Variants in TBCEL observed in about 807,000 individuals in gnomAD.
The protein encoded by TBCEL is tubulin-specific chaperone cofactor E-like protein.
In TBCEL, 15 loss-of-function variants were observed where a neutral mutation model predicts 44.2. The ratio of observed to expected loss-of-function variants is 0.34; its 90% CI spans 0.23 to 0.52. TBCEL has a LOEUF of 0.52. TBCEL is among the 20% of genes least tolerant of loss of function. TBCEL has a pLI of 0.95. For missense variants in TBCEL, 319 were observed against 506.3 expected (o/e 0.63, Z 3.55); for synonymous variants, 171 against 185.4 (o/e 0.92, Z 0.63).
chr11:121,044,289 C>T (rs1460798111), intron 2 of TBCEL, among the ~76,000 whole-genome samples: 1 of 152,100 alleles, frequency 6.6e-6, no homozygotes, highest in African/African-American at 2.4e-5. Flanking sequence ...TTCCCTAAAA[C>T]TTCGTTGTTG....
intron 1 of TBCEL, among the ~76,000 whole-genome samples, chr11:121,025,727 T>A (rs955725480): frequency 6.6e-5 from 10 of 151,912 alleles, no homozygotes; most frequent in East Asian, 3.9e-4. Flanking sequence ...TTTTTTTTTT[T>A]TTTATTTTAT....
intron 8 of TBCEL, among the ~76,000 whole-genome samples, chr11:121,072,807 T>A (rs1945960442): frequency 6.6e-6 from 1 of 152,138 alleles, no homozygotes; most frequent in Non-Finnish European, 1.5e-5. Context: ...TTCACGTAAG[T>A]TCCTAATTTT....
chr11:121,063,258 A>G (rs1945757761), intron 8 of TBCEL, among the ~76,000 whole-genome samples: 1 of 152,046 alleles, frequency 6.6e-6, no homozygotes, highest in East Asian at 1.9e-4. Context: ...TTTCACTCAA[A>G]TAGGAACAAT....
chr11:121,078,939 G>A (rs958555809), intron 8 of TBCEL, among the ~76,000 whole-genome samples: 2 of 152,168 alleles, frequency 1.3e-5, no homozygotes, highest in African/African-American at 4.8e-5. Flanking sequence ...GTTGATAAAT[G>A]TGGATTAAAA....
intron 8 of TBCEL, among the ~76,000 whole-genome samples, chr11:121,069,246 C>G (rs1945879979): frequency 1.3e-5 from 2 of 152,182 alleles, no homozygotes; most frequent in Admixed American, 1.3e-4. Flanking sequence ...TCCCCAGTGC[C>G]TAGAGCGGTG....
intron 2 of TBCEL, among the ~76,000 whole-genome samples, chr11:121,042,033 A>G (rs1945344101): frequency 6.6e-6 from 1 of 152,098 alleles, no homozygotes; most frequent in South Asian, 2.1e-4. Flanking sequence ...TTTTAACTTG[A>G]ATACGTCTTT....
intron 8 of TBCEL, among the ~76,000 whole-genome samples, chr11:121,063,396 T>TC (rs1945761480): frequency 6.6e-6 from 1 of 152,228 alleles, no homozygotes; most frequent in Non-Finnish European, 1.5e-5. Context: ...CTTGCACAAA[T>TC]GAAAATACAT....
chr11:121,058,966 T>C (rs974239383), intron 7 of TBCEL, among the ~76,000 whole-genome samples: 3 of 151,990 alleles, frequency 2.0e-5, no homozygotes, highest in Admixed American at 6.6e-5. Context: ...CCCTTGCCTT[T>C]TGTGTCTCAG....
chr11:121,034,739 G>T (rs1187264109), intron 1 of TBCEL, among the ~76,000 whole-genome samples: 4 of 152,136 alleles, frequency 2.6e-5, no homozygotes, highest in Non-Finnish European at 5.9e-5. Flanking sequence ...TGAAAAATAA[G>T]GGTATATTAT....
chr11:121,054,729 CTAAGTA>C (rs1168831559), intron 5 of TBCEL: 4 of 185,612 alleles, frequency 2.2e-5, no homozygotes, highest in Non-Finnish European at 4.4e-5. Flanking sequence ...TCTGATTATT[CTAAGTA>C]TAATTTTAAT....
intron 8 of TBCEL, among the ~76,000 whole-genome samples, chr11:121,080,398 T>C (rs1946104456): frequency 6.6e-6 from 1 of 152,200 alleles, no homozygotes; most frequent in African/African-American, 2.4e-5. Context: ...ATAGAGTATT[T>C]CTGGGATATT....
chr11:121,036,423 G>C (rs577493402), intron 1 of TBCEL, 82 bp from the exon 2 acceptor site: 9 of 152,446 alleles, frequency 5.9e-5, no homozygotes, highest in Admixed American at 1.3e-4. Context: ...AGCCCTTGGA[G>C]TAAAAGTCAG....
intron 3 of TBCEL, among the ~76,000 whole-genome samples, chr11:121,046,385 G>T (rs1448947472): frequency 2.0e-5 from 3 of 152,046 alleles, no homozygotes; most frequent in Non-Finnish European, 4.4e-5. Context: ...AGTGTGCAAG[G>T]TATATTTTTG....
At chr11:121,058,181 A>G (rs564030518) in intron 6 of TBCEL, among the ~76,000 whole-genome samples, 164 bp from the exon 7 acceptor site, 1 of 151,882 alleles carries the variant, frequency 6.6e-6, no homozygotes, top group East Asian at 1.9e-4. Flanking sequence ...TGTGGTTTTA[A>G]CTGTGTTCTG....
chr11:121,038,200 G>T lies in TBCEL; in HGVS notation c.-18+1588G>T, dbSNP rs189558630. Reference sequence around the variant, plus strand: ...GCTGGTCTCGAACTCCTGATCCCAGGTGATCCACCTGCCTCAGCCTCCCAA... The same window carrying T: ...GCTGGTCTCGAACTCCTGATCCCAGTTGATCCACCTGCCTCAGCCTCCCAA... On this transcript the variant is annotated intron_variant, in intron 2 of 8. Coordinates refer to ENST00000683345, the MANE Select transcript of TBCEL (RefSeq NM_001363644.2). Among the ~76,000 whole-genome samples the T allele has an allele frequency of 3.2e-4, 49 of 152,264 alleles. No homozygotes were observed. In the East Asian group the frequency reaches 9.1e-3, roughly 28 times the overall value.
At position 121,085,840 on chromosome 11, in the gene TBCEL, A is replaced by G. The variant is rs1307988675; in HGVS notation, c.957-938A>G. Among the ~76,000 whole-genome samples the G allele has an allele frequency of 3.9e-5, 6 of 152,256 alleles. No individual in the cohort carries two copies. The South Asian group carries it at 8.3e-4, about 21-fold the overall frequency. On this transcript the variant is annotated intron_variant, in intron 8 of 8. Transcript: ENST00000683345. ...TTACTGTATGTTTAATGCACCCACA[A>G]ACCTTATTATGACACTGATTTTAAC...
At chr11:121,054,457 C>CTA (rs1565498151) in intron 5 of TBCEL, among the ~76,000 whole-genome samples, 2 of 151,898 alleles carry the variant, frequency 1.3e-5, no homozygotes, top group African/African-American at 4.8e-5. Flanking sequence ...AGTTTCACTA[C>CTA]TAACCATATG....
chr11:121,048,955 CACAG>C (rs952545138), intron 4 of TBCEL, among the ~76,000 whole-genome samples: 26 of 152,012 alleles, frequency 1.7e-4, no homozygotes, highest in African/African-American at 5.8e-4. Flanking sequence ...CTGGCTGTCT[CACAG>C]ACAGAGTCAG....
intron 8 of TBCEL, among the ~76,000 whole-genome samples, chr11:121,077,574 C>T (rs895257177): frequency 5.3e-5 from 8 of 151,946 alleles, no homozygotes; most frequent in Non-Finnish European, 8.8e-5. Context: ...GAACCAGCTT[C>T]GGGTGTTATG....
Sources: gnomAD v4.1 joint callset for allele counts (sites outside exome capture counted in the v4.1 genomes callset) on GRCh38, gnomAD v4.1.1 for gene constraint, MANE v1.5 for transcripts, NCBI Gene and HGNC (gene_info 2026-07-23, HGNC 2026-07-21) for gene names.